The following CNIH3 variants were observed in gnomAD, a reference collection of about 807,000 sequenced individuals.
CNIH3 encodes the protein cornichon family AMPA receptor auxiliary protein 3, also known as protein cornichon homolog 3.
CNIH3 carries 14 observed loss-of-function variants against 24.1 expected under a neutral mutation model. That is an observed-to-expected ratio of 0.58 (90% CI 0.38 to 0.91). CNIH3 has a LOEUF of 0.91. Ranked by LOEUF, CNIH3 falls within the 40% of genes least tolerant of loss-of-function variation. The pLI is 0.00. For synonymous variants in CNIH3, 68 were observed against 73.8 expected (o/e 0.92, Z 0.40); for missense variants, 178 against 196.8 (o/e 0.90, Z 0.57).
chr1:224,532,308 AG>A (rs1679105528), intron 2 of CNIH3, among the ~76,000 whole-genome samples: 1 of 152,096 alleles, frequency 6.6e-6, no homozygotes, highest in African/African-American at 2.4e-5. Context: ...AGAAAACAGG[AG>A]GTCTGGGCAC....
intron 3 of CNIH3, among the ~76,000 whole-genome samples, chr1:224,705,743 C>T (rs183880514): frequency 3.9e-4 from 60 of 152,268 alleles, no homozygotes; most frequent in Non-Finnish European, 7.1e-4. Flanking sequence ...CCATAGTACC[C>T]TGCTCCAGCC....
chr1:224,434,706 G>A, exon 1 of CNIH3: 1 of 948,292 alleles, frequency 1.1e-6, no homozygotes, highest in Non-Finnish European at 1.3e-6. Flanking sequence ...CGGCGGCGGC[G>A]GGCGGCAGCG....
chr1:224,563,060 C>A (rs982068614), intron 3 of CNIH3, among the ~76,000 whole-genome samples: 9 of 152,114 alleles, frequency 5.9e-5, no homozygotes, highest in Non-Finnish European at 1.2e-4. Context: ...TATGGAAGTG[C>A]CTAGAAGTGG....
intron 3 of CNIH3, among the ~76,000 whole-genome samples, chr1:224,725,369 C>T (rs1430250461): frequency 1.3e-5 from 2 of 152,200 alleles, no homozygotes; most frequent in East Asian, 3.8e-4. Context: ...AAATAAGACT[C>T]AGCATGGGTA....
chr1:224,633,301 G>A (rs952260636), intron 1 of CNIH3, among the ~76,000 whole-genome samples: 1 of 152,092 alleles, frequency 6.6e-6, no homozygotes, highest in Non-Finnish European at 1.5e-5. Flanking sequence ...TGGGACCACA[G>A]GCACCCACCA....
chr1:224,680,935 C>T, intron 1 of CNIH3, 23 bp from the exon 2 acceptor site: 2 of 1,598,968 alleles, frequency 1.3e-6, no homozygotes, highest in South Asian at 2.2e-5. Context: ...ACTAACACCT[C>T]AAATCTCTGT....
rs189144794 is a variant in CNIH3 at position 224,584,833 on chromosome 1, C to T, written n.620+1566C>T. On this transcript the variant is annotated intron_variant and non_coding_transcript_variant, in intron 5 of 5. Transcript: ENST00000471578. ...TAAGATAAGAAAATGAGAATCTCAG[C>T]AATGCCTAATGGGTTGGCCCAGCAT... 2.6e-3 allele frequency among the ~76,000 whole-genome samples: 397 copies of T among 152,276 alleles called. 4 individuals carry two copies. The highest frequency in any genetic ancestry group is 0.019 in the East Asian group (97 of 5,180).
intron 3 of CNIH3, among the ~76,000 whole-genome samples, chr1:224,559,347 T>C (rs1457807411): frequency 1.3e-5 from 2 of 152,174 alleles, no homozygotes; most frequent in African/African-American, 2.4e-5. Context: ...TCTTCTATGT[T>C]TTGCTGGGTT....
chr1:224,462,637 A>G (rs1221001558), intron 1 of CNIH3, among the ~76,000 whole-genome samples: 4 of 119,426 alleles, frequency 3.3e-5, no homozygotes, highest in African/African-American at 1.2e-4. Context: ...TCTGGACCCA[A>G]TTTTTTTTTT....
At chr1:224,559,007 T>G (rs1028925187) in intron 3 of CNIH3, among the ~76,000 whole-genome samples, 1 of 152,224 alleles carries the variant, frequency 6.6e-6, no homozygotes, top group Admixed American at 6.5e-5. Flanking sequence ...TACCCATTAA[T>G]TATCAGAGTA....
At chr1:224,577,386 A>G (rs1465003902) in intron 4 of CNIH3, among the ~76,000 whole-genome samples, 3 of 152,218 alleles carry the variant, frequency 2.0e-5, no homozygotes, top group Non-Finnish European at 4.4e-5. Flanking sequence ...ATCCCATCAA[A>G]AAGTGGGCAA....
At chr1:224,486,575 A>G (rs1453338959) in intron 1 of CNIH3, among the ~76,000 whole-genome samples, 3 of 152,196 alleles carry the variant, frequency 2.0e-5, no homozygotes, top group Non-Finnish European at 4.4e-5. Flanking sequence ...CTATATATAC[A>G]TGAATATATA....
chr1:224,434,647 G>A, upstream of CNIH3: 1 of 712,326 alleles, frequency 1.4e-6, no homozygotes. Flanking sequence ...GGCGGCTGCG[G>A]GGGCGCGGGG....
intron 2 of CNIH3, among the ~76,000 whole-genome samples, chr1:224,535,831 G>C (rs560629608): frequency 3.9e-5 from 6 of 152,330 alleles, no homozygotes; most frequent in African/African-American, 1.4e-4. Context: ...CCAGAGCTGG[G>C]GACAGCGGTA....
intron 1 of CNIH3, among the ~76,000 whole-genome samples, chr1:224,639,941 C>T (rs1424646431): frequency 1.3e-5 from 2 of 152,206 alleles, no homozygotes; most frequent in African/African-American, 4.8e-5. Flanking sequence ...TGTATCACCT[C>T]CATGTATTGA....
At chr1:224,617,306 T>A in intron 1 of CNIH3, 51 bp downstream of exon 1, 1 of 1,589,520 alleles carries the variant, frequency 6.3e-7, no homozygotes, top group Non-Finnish European at 8.6e-7. Context: ...TCGCTAAATT[T>A]CCCCGATTTC....
chr1:224,466,501 C>T (rs908514475), intron 1 of CNIH3, among the ~76,000 whole-genome samples: 1 of 152,094 alleles, frequency 6.6e-6, no homozygotes, highest in African/African-American at 2.4e-5. Context: ...ACCATTTATA[C>T]ATTGAAGGAC....
chr1:224,581,214 T>A (rs1681261383), intron 4 of CNIH3, among the ~76,000 whole-genome samples: 1 of 152,246 alleles, frequency 6.6e-6, no homozygotes, highest in Admixed American at 6.5e-5. Flanking sequence ...CACTTTGTTC[T>A]GGGGATTTAG....
chr1:224,511,488 A>C (rs1327685433), upstream of CNIH3, among the ~76,000 whole-genome samples: 1 of 152,214 alleles, frequency 6.6e-6, no homozygotes, highest in East Asian at 1.9e-4. Context: ...ACTGGTTTTC[A>C]TGATTTCATA....
Sources: gnomAD v4.1 joint callset for allele counts (sites outside exome capture counted in the v4.1 genomes callset) on GRCh38, gnomAD v4.1.1 for gene constraint, MANE v1.5 for transcripts, NCBI Gene and HGNC (gene_info 2026-07-23, HGNC 2026-07-21) for gene names.